PLIN4: variants seen among roughly 807,000 people sequenced by gnomAD.
The protein encoded by PLIN4 is perilipin 4.
PLIN4 carries 57 observed loss-of-function variants against 52.4 expected under a neutral mutation model. That is an observed-to-expected ratio of 1.09 (90% CI 0.88 to 1.36). The LOEUF (loss-of-function observed/expected upper bound fraction) is 1.36. Ranked by LOEUF, PLIN4 falls within the 40% of genes most tolerant of loss-of-function variation. PLIN4 has a pLI of 0.00. For synonymous variants in PLIN4, 826 were observed against 785.4 expected (o/e 1.05, Z -0.86); for missense variants, 1,757 against 1,770.3 (o/e 0.99, Z 0.13).
chr19:4,509,757 TAGAG>T (rs992631608), intron 5 of PLIN4, among the ~76,000 whole-genome samples: 4 of 145,660 alleles, frequency 2.7e-5, no homozygotes, highest in African/African-American at 7.7e-5. Context: ...CTGGGCAACA[TAGAG>T]AGACAAAAAA....
In PLIN4 at chr19:4,510,549, C is replaced by A; in HGVS notation, c.3411G>T (p.Leu1137Phe). Reference sequence around the variant, plus strand: ...CTTCTTCGGGGCCGTGTGTGGTGGCCAAAAGCCCCGTGTCCTCCCTGCCTG... The same window carrying A: ...CTTCTTCGGGGCCGTGTGTGGTGGCAAAAAGCCCCGTGTCCTCCCTGCCTG... ...AAPGREDTGL[L>F]ATTHGPEEAP... Residue 1137 changes from leucine (L) to phenylalanine (F), a missense_variant, in exon 5 of 8, where the codon TTG becomes TTT. Physicochemically the swap from Leu to Phe is conservative, Grantham distance 22 (BLOSUM62 0). This residue lies in a region of PLIN4 where 712 missense variants were observed against 637.1 expected (regional missense o/e 1.12). Coordinates refer to ENST00000301286, the MANE Select transcript of PLIN4 (RefSeq NM_001367868.2). 6.7e-7 allele frequency: 1 copy of A among 1,496,466 alleles called. No homozygotes were observed. The highest frequency in any genetic ancestry group is 8.9e-7 in the Non-Finnish European group (1 of 1,123,238). 92.7% of individuals were successfully genotyped at this position (1,496,466 alleles called of 1,614,324 possible).
intron 6 of PLIN4, among the ~76,000 whole-genome samples, chr19:4,507,790 A>G (rs1277791011): frequency 6.6e-6 from 1 of 151,954 alleles, no homozygotes; most frequent in Non-Finnish European, 1.5e-5. Context: ...AGGACTGGGG[A>G]CGGGGAGACT....
rs757523576 is a variant in PLIN4 at position 4,504,504 on chromosome 19, G to A, written c.4071C>T (p.Leu1357=). Residue 1357 remains leucine, a synonymous_variant, in exon 8 of 8, where the codon CTC becomes CTT. Coordinates refer to ENST00000301286, the MANE Select transcript of PLIN4 (RefSeq NM_001367868.2). Reference sequence around the variant, plus strand: ...AGGCGAAGGGCCCTACCAGCCAGCTGAGCGGGGGATTGTGCTGTAGGCCCT... The same window carrying A: ...AGGCGAAGGGCCCTACCAGCCAGCTAAGCGGGGGATTGTGCTGTAGGCCCT... The part of the protein sequence containing the change: ...LLEGLQHNPP[L]SWLVGPFALP... The A allele has an allele frequency of 7.5e-6, 12 of 1,600,242 alleles. No homozygotes were observed. Among genetic ancestry groups the A allele is most frequent in the African/African-American group, 1.3e-5 (1 of 74,694 alleles).
In PLIN4 at chr19:4,512,150, C is replaced by A. The variant is rs1568233119; in HGVS notation, c.1810G>T (p.Gly604Trp). ...GCGACATTCACTGCCCCCACGAGCC[C>A]AGTAGTCACTGTGTCCTTGGTGCCG... ...LTGTKDTVTTGLVGAVNVAKG... is the reference protein window; with the variant it reads ...LTGTKDTVTTWLVGAVNVAKG... Residue 604 changes from glycine to tryptophan, a missense_variant, in exon 5 of 8, where the codon GGG becomes TGG. Transcript: ENST00000301286. 1 of 1,609,982 alleles carries A rather than the reference C, an allele frequency of 6.2e-7. No individual in the cohort carries two copies.
chr19:4,518,227 C>T lies in PLIN4; in HGVS notation c.46G>A (p.Gly16Ser). ...GCCCCATTTCCCCTCTTTACCTTGC[C>T]CTTCGGTTTGGGGGGATCCCGTCTC... is the stretch of plus-strand genomic sequence containing the variant. ...EGRRDPPKPK[G>S]KTLGSFFGSL... The change falls in exon 2 of 8, where the codon GGC (glycine) becomes AGC (serine). Residue 16 changes from glycine (G) to serine (S), a missense_variant. Physicochemically the swap from Gly to Ser is moderately conservative, Grantham distance 56. This residue lies in a region of PLIN4 where 332 missense variants were observed against 310.8 expected (regional missense o/e 1.07). Transcript: ENST00000301286. 2.4e-6 allele frequency: 3 copies of T among 1,233,190 alleles called. No individual in the cohort carries two copies. Among genetic ancestry groups the T allele is most frequent in the Non-Finnish European group, 3.0e-6 (3 of 988,820 alleles). The allele number at this position is 1,233,190 out of a possible 1,614,324, so 76.4% of individuals were successfully genotyped here. A position where few individuals can be genotyped will look rare whatever the true frequency, so the allele number is the denominator to read the frequency against.
chr19:4,517,578 C>A lies in PLIN4; in HGVS notation c.172G>T (p.Glu58Ter), dbSNP rs369039752. The change falls in exon 3 of 8, where the codon GAG becomes TAG. Residue 58 changes from glutamate to a stop codon, truncating the protein, a stop_gained. Coordinates refer to ENST00000301286, the MANE Select transcript of PLIN4 (RefSeq NM_001367868.2). LOFTEE classifies it high-confidence loss of function. ...AADPTGAPAA[E>*]AAQPQAQVAA... ...CCCTGAGCCTGTGGTTGGGCAGCCT[C>A]GGCAGCAGGCGCTCCTGTGGGGTCA... 1 of 1,610,150 alleles carries A rather than the reference C, an allele frequency of 6.2e-7. No homozygotes were observed. The highest frequency in any genetic ancestry group is 8.5e-7 in the Non-Finnish European group (1 of 1,178,842).
At chr19:4,506,547 G>A (rs1976100127) in intron 6 of PLIN4, among the ~76,000 whole-genome samples, 1 of 152,152 alleles carries the variant, frequency 6.6e-6, no homozygotes, top group Non-Finnish European at 1.5e-5. Flanking sequence ...CCAAGGGCAG[G>A]CCTGGATATC....
intron 6 of PLIN4, among the ~76,000 whole-genome samples, chr19:4,507,168 G>A (rs1976120106): frequency 6.6e-6 from 1 of 152,274 alleles, no homozygotes; most frequent in Admixed American, 6.5e-5. Flanking sequence ...AACCCCGGAT[G>A]TTGATGGAAA....
Position 4,513,710 on chromosome 19 carries a change from A to T in PLIN4, c.259-9T>A, listed in dbSNP as rs780399093. ...TTGGCCCCGGACACCATCTGCTGAG[A>T]AAGGACACAGGTGGATCAAGAGAAG... On this transcript the variant is annotated splice_polypyrimidine_tract_variant and intron_variant, in intron 4 of 7. Transcript: ENST00000301286. 6.4e-7 allele frequency: 1 copy of T among 1,565,738 alleles called. No homozygotes were observed.
At chr19:4,516,747 G>A (rs1976594193) in intron 3 of PLIN4, 69 bp from the exon 4 acceptor site, 2 of 1,403,046 alleles carry the variant, frequency 1.4e-6, no homozygotes, top group Admixed American at 2.6e-5. Context: ...GCTGCCCATT[G>A]CACAATAGCC....
At chr19:4,513,895 G>A (rs566221121) in intron 4 of PLIN4, among the ~76,000 whole-genome samples, 194 bp from the exon 5 acceptor site, 1 of 152,334 alleles carries the variant, frequency 6.6e-6, no homozygotes, top group East Asian at 1.9e-4. Context: ...GGGCTGTGGT[G>A]TGGCACCCTG....
At chr19:4,515,014 A>G (rs1976548673) in intron 4 of PLIN4, among the ~76,000 whole-genome samples, 3 of 151,502 alleles carry the variant, frequency 2.0e-5, no homozygotes, top group African/African-American at 7.3e-5. Flanking sequence ...TGTCTCTACT[A>G]AAAATACAAA....
intron 6 of PLIN4, among the ~76,000 whole-genome samples, chr19:4,506,403 T>C (rs1976095055): frequency 6.6e-6 from 1 of 152,202 alleles, no homozygotes; most frequent in South Asian, 2.1e-4. Context: ...AAGTGTCCCC[T>C]CTTCAGGGTG....
At position 4,510,959 on chromosome 19, in the gene PLIN4, C is replaced by G; in HGVS notation, c.3001G>C (p.Val1001Leu). The G allele has an allele frequency of 6.2e-7, 1 of 1,613,180 alleles. No individual in the cohort carries two copies. Among genetic ancestry groups the G allele is most frequent in the Non-Finnish European group, 8.5e-7 (1 of 1,179,810 alleles). ...TTGGCCATGCTCATGGCACCGGTAA[C>G]CCCACTGAAGACAGTGTCCTTGGTA... ...MGTKDTVFSG[V>L]TGAMSMAKGA... Residue 1001 changes from valine to leucine, a missense_variant, in exon 5 of 8, where the codon GTT becomes CTT. Physicochemically the swap from Val to Leu is conservative, Grantham distance 32. Transcript: ENST00000301286.
At position 4,502,222 on chromosome 19, in the gene PLIN4, T is replaced by A; in HGVS notation, c.*2237A>T. The A allele has an allele frequency of 1.5e-6, 1 of 654,028 alleles. No individual in the cohort carries two copies. The highest frequency in any genetic ancestry group is 2.8e-6 in the Non-Finnish European group (1 of 363,426). 40.5% of individuals were successfully genotyped at this position (654,028 alleles called of 1,614,324 possible). ...TAATGAAAAAAGAAATCACTTTTAT[T>A]GGCTTGGTTTTCTAGCATTGCTGGT... On this transcript the variant is annotated 3_prime_UTR_variant, in exon 8 of 8. Coordinates refer to ENST00000301286, the MANE Select transcript of PLIN4 (RefSeq NM_001367868.2).
In PLIN4 at chr19:4,504,606, C is replaced by T; in HGVS notation, c.3969G>A (p.Glu1323=). 1 of 1,604,334 alleles carries T rather than the reference C, an allele frequency of 6.2e-7. No individual in the cohort carries two copies. Residue 1323 remains glutamate, a synonymous_variant, in exon 8 of 8, where the codon GAG becomes GAA. Transcript: ENST00000301286. ...GCACCAGCCGCTCTGCGGGCAGCTC[C>T]TCTACAGAGCCAGCTGAGGCCACGA... ...YGIVASAGSV[E]ELPAERLVQS... is the part of the protein sequence containing the mutation.
Position 4,510,998 on chromosome 19 carries a change from C to T in PLIN4, c.2962G>A (p.Ala988Thr), listed in dbSNP as rs74684642. ...GTGTCCTTGGTACCCATAAGCACAGCCTTGGAGGCGTCCACGCCGGTCTGC... is the reference window on the plus strand; with the variant it reads ...GTGTCCTTGGTACCCATAAGCACAGTCTTGGAGGCGTCCACGCCGGTCTGC... ...TVQTGVDASK[A>T]VLMGTKDTVF... is the part of the protein sequence containing the mutation. The change falls in exon 5 of 8, where the codon GCT (alanine) becomes ACT (threonine). Residue 988 changes from alanine (A) to threonine (T), a missense_variant. Physicochemically the swap from Ala to Thr is moderately conservative, Grantham distance 58 (BLOSUM62 0). Around this residue, in one of 7 missense-constraint regions of PLIN4, gnomAD observed 712 missense variants for 637.1 expected, o/e 1.12. Coordinates refer to ENST00000301286, the MANE Select transcript of PLIN4 (RefSeq NM_001367868.2). 5.0e-4 allele frequency: 803 copies of T among 1,612,192 alleles called. 6 individuals carry two copies. In the African/African-American group the frequency reaches 9.8e-3, roughly 20 times the overall value.
intron 4 of PLIN4, among the ~76,000 whole-genome samples, chr19:4,514,550 C>G (rs893280466): frequency 1.3e-5 from 2 of 151,130 alleles, no homozygotes; most frequent in African/African-American, 4.9e-5. Flanking sequence ...ACAGTGAAAC[C>G]CTGTCTCTAC....
Position 4,512,435 on chromosome 19 carries a change from C to G in PLIN4, c.1525G>C (p.Ala509Pro), listed in dbSNP as rs373218885. 265 of 1,611,034 alleles carry G rather than the reference C, an allele frequency of 1.6e-4. 1 individual carries two copies. Among genetic ancestry groups the G allele is most frequent in the Non-Finnish European group, 2.2e-4 (254 of 1,179,154 alleles). Residue 509 changes from alanine to proline, a missense_variant, in exon 5 of 8, where the codon GCT becomes CCT. Physicochemically the swap from Ala to Pro is conservative, Grantham distance 27 (BLOSUM62 -1). This residue lies in a region of PLIN4 where 439 missense variants were observed against 406.4 expected (regional missense o/e 1.08). Coordinates refer to ENST00000301286, the MANE Select transcript of PLIN4 (RefSeq NM_001367868.2). ...ACGGTCCCTTTGGCCACGTTCACAG[C>G]CCCTGTGAGCCCAGTGGACACAGCA... Reference protein sequence around the residue: ...KDAVSTGLTGAVNVAKGTVQT... With the variant: ...KDAVSTGLTGPVNVAKGTVQT...
Sources: gnomAD v4.1 joint callset for allele counts (sites outside exome capture counted in the v4.1 genomes callset) on GRCh38, gnomAD v4.1.1 for gene constraint, gnomAD v4.1.1 regional missense constraint, MANE v1.5 for transcripts, NCBI Gene and HGNC (gene_info 2026-07-23, HGNC 2026-07-21) for gene names.